Variants in ZNF532 observed in about 807,000 individuals in gnomAD.
ZNF532 encodes zinc finger protein 532.
Under a neutral mutation model 89.3 loss-of-function variants are expected in ZNF532, and 22 were observed. The observed-to-expected ratio is 0.25, with a 90% CI of 0.18 to 0.35. The LOEUF is 0.35. Ranked by LOEUF, ZNF532 falls within the 10% of genes least tolerant of loss-of-function variation. ZNF532 has a pLI of 1.00. For missense variants in ZNF532, 1,132 were observed against 1,643.4 expected, an observed-to-expected ratio of 0.69 and a Z score of 5.38; for synonymous variants, 606 against 649.6, an observed-to-expected ratio of 0.93 and a Z score of 1.02.
chr18:58,892,195 C>G (rs1192902831), intron 2 of ZNF532, among the ~76,000 whole-genome samples: 1 of 152,192 alleles, frequency 6.6e-6, no homozygotes, highest in East Asian at 1.9e-4. Flanking sequence ...AAACACAACA[C>G]TGTGTCTCAA....
At chr18:58,909,238 C>A (rs2060127056) in intron 2 of ZNF532, among the ~76,000 whole-genome samples, 1 of 152,158 alleles carries the variant, frequency 6.6e-6, no homozygotes, top group South Asian at 2.1e-4. Flanking sequence ...TAGGCGTGAG[C>A]CACCGCGCCC....
intron 2 of ZNF532, among the ~76,000 whole-genome samples, chr18:58,886,905 TAGAG>T (rs2058341940): frequency 6.6e-6 from 1 of 152,234 alleles, no homozygotes. Context: ...GGTATGCTAT[TAGAG>T]AGAGACTATC....
In ZNF532 at chr18:58,953,593, G is replaced by A; in HGVS notation, c.2944G>A (p.Ala982Thr). ...GINLPLSIKP[A>T]TQNSANQNKE... ...AAACTTGCCTTTGAGCATTAAGCCT[G>A]CAACTCAAAATTCAGCAAATCAGAA... The change falls in exon 7 of 10, where the codon GCA (alanine) becomes ACA (threonine). Residue 982 changes from alanine to threonine, a missense_variant. Around this residue, in one of 9 missense-constraint regions of ZNF532, gnomAD observed 415 missense variants for 604.8 expected, o/e 0.69. Coordinates refer to ENST00000591808, the MANE Select transcript of ZNF532 (RefSeq NM_001375912.1). 3 of 1,613,818 alleles carry A rather than the reference G, an allele frequency of 1.9e-6. No homozygotes were observed. Among genetic ancestry groups the A allele is most frequent in the Middle Eastern group, 1.7e-4 (1 of 6,056 alleles).
intron 3 of ZNF532, chr18:58,926,326 GT>G (rs2146269269): frequency 6.6e-6 from 1 of 152,274 alleles, no homozygotes; most frequent in African/African-American, 2.4e-5. Context: ...TTGATTCTTT[GT>G]TTTGTAGTTT....
chr18:58,984,314 C>G lies in ZNF532; in HGVS notation c.3754C>G (p.His1252Asp), dbSNP rs2068194289. The G allele has an allele frequency of 6.2e-7, 1 of 1,611,830 alleles. No homozygotes were observed. The highest frequency in any genetic ancestry group is 1.1e-5 in the South Asian group (1 of 90,994). Residue 1252 changes from histidine (H) to aspartate (D), a missense_variant, in exon 10 of 10, where the codon CAC (histidine) becomes GAC (aspartate). By Grantham distance (81) the His-to-Asp change is moderately conservative. Transcript: ENST00000591808. ...TAACCAACAGGAGAACAAACCCAGCCACGAGGATGAATCCCCTGATGGCGC... is the reference window on the plus strand; with the variant it reads ...TAACCAACAGGAGAACAAACCCAGCGACGAGGATGAATCCCCTGATGGCGC... ...EDNQQENKPSHEDESPDGAVS... is the reference protein window; with the variant it reads ...EDNQQENKPSDEDESPDGAVS...
At chr18:58,885,799 A>C (rs1249909963) in intron 2 of ZNF532, among the ~76,000 whole-genome samples, 1 of 151,274 alleles carries the variant, frequency 6.6e-6, no homozygotes, top group Non-Finnish European at 1.5e-5. Flanking sequence ...GGTTGCAGTG[A>C]GCCGAAATCG....
intron 2 of ZNF532, among the ~76,000 whole-genome samples, chr18:58,890,273 C>CAT (rs747097762): frequency 8.6e-4 from 129 of 149,920 alleles, no homozygotes; most frequent in East Asian, 4.5e-3. Context: ...CACACACATA[C>CAT]ATATATATAT....
At chr18:58,929,947 T>C (rs1181886722) in intron 3 of ZNF532, among the ~76,000 whole-genome samples, 1 of 152,240 alleles carries the variant, frequency 6.6e-6, no homozygotes, top group Non-Finnish European at 1.5e-5. Context: ...ATTGTGGAAC[T>C]TCTTTTAATG....
intron 7 of ZNF532, among the ~76,000 whole-genome samples, chr18:58,955,392 C>T (rs573307144): frequency 2.0e-4 from 30 of 152,314 alleles, no homozygotes; most frequent in Middle Eastern, 3.4e-3. Flanking sequence ...GGTTCAAATA[C>T]GTGACGTTTT....
At position 58,875,931 on chromosome 18, in the gene ZNF532, C is replaced by CTTTTTT. The variant is rs71173091; in HGVS notation, c.-18+10366_-18+10371dup. On this transcript the variant is annotated intron_variant, in intron 2 of 9. Transcript: ENST00000591808. ...GTTTGCATACAAATCACTTGGGGAT[C>CTTTTTT]TTTTTTTTTTTTTTTTTTTGAGACA... Among the ~76,000 whole-genome samples, 112 of 112,820 alleles carry CTTTTTT rather than the reference C, an allele frequency of 9.9e-4. 5 individuals carry two copies. Among genetic ancestry groups the CTTTTTT allele is most frequent in the Middle Eastern group, 6.5e-3 (1 of 154 alleles). The allele number at this position is 112,820 out of a possible 152,430, so 74.0% of individuals were successfully genotyped here.
At chr18:58,882,089 C>T (rs1544286) in intron 2 of ZNF532, among the ~76,000 whole-genome samples, 34,049 of 152,042 alleles carry the variant, frequency 0.22, 4,397 homozygotes, top group Middle Eastern at 0.41. Flanking sequence ...TCCTGCGTAG[C>T]TTGGGACTAT....
chr18:58,940,516 G>A (rs912743716), intron 5 of ZNF532: 3 of 152,314 alleles, frequency 2.0e-5, no homozygotes, highest in South Asian at 2.1e-4. Flanking sequence ...AGGAGGGAGT[G>A]TGGGCACTGG....
intron 2 of ZNF532, among the ~76,000 whole-genome samples, chr18:58,874,833 C>T (rs993320156): frequency 6.6e-5 from 10 of 152,144 alleles, no homozygotes; most frequent in Admixed American, 2.0e-4. Context: ...CCCGGCACTT[C>T]GCTTCCCATG....
chr18:58,978,119 C>T (rs1473360709), intron 7 of ZNF532, among the ~76,000 whole-genome samples: 1 of 152,178 alleles, frequency 6.6e-6, no homozygotes, highest in African/African-American at 2.4e-5. Context: ...CATAATATCT[C>T]AGCCTGAGTG....
Position 58,986,251 on chromosome 18 carries a change from T to C in ZNF532, c.*1785T>C, listed in dbSNP as rs2068377538. ...TTCATATGTTTCTGCATTTGAACCT[T>C]GCAATAAGCCTGTGTGGTAGGCCAC... On this transcript the variant is annotated 3_prime_UTR_variant, in exon 10 of 10. Coordinates refer to ENST00000591808, the MANE Select transcript of ZNF532 (RefSeq NM_001375912.1). The C allele has an allele frequency of 6.6e-6, 1 of 152,654 alleles. No homozygotes were observed. The highest frequency in any genetic ancestry group is 2.1e-4 in the South Asian group (1 of 4,824). The allele number at this position is 152,654 out of a possible 1,614,324, so 9.5% of individuals were successfully genotyped here.
chr18:58,912,273 T>C (rs975283303), intron 2 of ZNF532, among the ~76,000 whole-genome samples: 2 of 152,222 alleles, frequency 1.3e-5, no homozygotes, highest in Admixed American at 1.3e-4. Context: ...TTGAGCAAAG[T>C]ATTTGTATAT....
At chr18:58,873,322 A>G (rs559962523) in intron 2 of ZNF532, among the ~76,000 whole-genome samples, 4 of 152,236 alleles carry the variant, frequency 2.6e-5, no homozygotes, top group Admixed American at 2.0e-4. Context: ...GCACCCAACT[A>G]TGTTTTGATG....
chr18:58,892,038 G>A (rs2058937655), intron 2 of ZNF532, among the ~76,000 whole-genome samples: 2 of 152,200 alleles, frequency 1.3e-5, no homozygotes, highest in South Asian at 2.1e-4. Context: ...GATGGATAGA[G>A]TGACAGAAGG....
chr18:58,933,528 T>C (rs900230117), intron 3 of ZNF532, among the ~76,000 whole-genome samples: 13 of 152,224 alleles, frequency 8.5e-5, no homozygotes, highest in African/African-American at 3.1e-4. Flanking sequence ...GGTAGATAAT[T>C]TGTGTTTGCA....
Sources: allele counts gnomAD v4.1 joint callset (sites outside exome capture counted in the v4.1 genomes callset), GRCh38; gene constraint gnomAD v4.1.1; regional missense constraint gnomAD v4.1.1; transcripts MANE v1.5; gene names NCBI Gene and HGNC (gene_info 2026-07-23, HGNC 2026-07-21).